The following ZNF662 variants were observed in gnomAD, a reference collection of about 807,000 sequenced individuals.
ZNF662 encodes the protein zinc finger protein 662.
In ZNF662, 14 loss-of-function variants were observed where a neutral mutation model predicts 12.4. The observed-to-expected ratio is 1.13, with a 90% CI of 0.75 to 1.77. The LOEUF (loss-of-function observed/expected upper bound fraction) is 1.77. Ranked by LOEUF, ZNF662 falls within the 40% of genes most tolerant of loss-of-function variation. The pLI is 0.00. For synonymous variants in ZNF662, 184 were observed against 176.4 expected, an observed-to-expected ratio of 1.04 and a Z score of -0.34; for missense variants, 550 against 515.6, an observed-to-expected ratio of 1.07 and a Z score of -0.65.
At chr3:42,911,677 T>C (rs1235702900) in intron 3 of ZNF662, among the ~76,000 whole-genome samples, 1 of 152,042 alleles carries the variant, frequency 6.6e-6, no homozygotes, top group African/African-American at 2.4e-5. Flanking sequence ...ATCTGTTTCT[T>C]AGGAGGTTTT....
rs557459038 is a variant in ZNF662, at chr3:42,914,721, A to T, written c.648A>T (p.Gly216=). 6.2e-7 allele frequency: 1 copy of T among 1,614,232 alleles called. No homozygotes were observed. The highest frequency in any genetic ancestry group is 1.7e-5 in the Admixed American group (1 of 60,030). The change falls in exon 5 of 5, where the codon GGA becomes GGT. Residue 216 remains glycine, a synonymous_variant. Transcript: ENST00000440367. ...DFDQHQKTHN[G]EKVYGCKECG... is the part of the protein sequence containing the mutation. ...ATCAACACCAGAAAACTCATAATGG[A>T]GAGAAGGTCTATGGATGTAAGGAAT...
chr3:42,907,316 A>G lies in ZNF662; in HGVS notation c.-93-706A>G, dbSNP rs182404848. Among the ~76,000 whole-genome samples the G allele has an allele frequency of 5.7e-3, 865 of 152,242 alleles. 6 individuals carry two copies. Among genetic ancestry groups the G allele is most frequent in the Middle Eastern group, 0.014 (4 of 294 alleles). ...CGGGTGGTGGGGGTGCAGGGAGTAA[A>G]GTCACAACGAGGATCTGCCCTGTTG... is the stretch of plus-strand genomic sequence containing the variant. On this transcript the variant is annotated intron_variant, in intron 1 of 4. Coordinates refer to ENST00000440367, the MANE Select transcript of ZNF662 (RefSeq NM_207404.4).
In ZNF662 at chr3:42,906,913, GCTGGGT is replaced by G. The variant is rs2088689912; in HGVS notation, c.-94+749_-94+754del. 6.6e-6 allele frequency among the ~76,000 whole-genome samples: 1 copy of G among 152,210 alleles called. No individual in the cohort carries two copies. The stretch of plus-strand genomic sequence containing the variant: ...GTGGCTGATGATCCTGGCCAGGAAA[GCTGGGT>G]CTGTGAGTAGTGAATGGAATTGTCT... On this transcript the variant is annotated intron_variant, in intron 1 of 4. Transcript: ENST00000440367. This position sits in a 1 kb window ranked among gnomAD's most constrained non-coding sequence, Gnocchi z 4.4.
intron 3 of ZNF662, among the ~76,000 whole-genome samples, chr3:42,909,804 G>A (rs552243976): frequency 1.3e-5 from 2 of 151,000 alleles, no homozygotes; most frequent in East Asian, 4.0e-4. Context: ...TGGCGGCGGG[G>A]CAGAGACACT....
At position 42,917,386 on chromosome 3, in the gene ZNF662, CTGTG is replaced by C. The variant is rs2088905647; in HGVS notation, c.*2035_*2038del. 1.6e-6 allele frequency: 1 copy of C among 635,870 alleles called. No homozygotes were observed. The highest frequency in any genetic ancestry group is 2.8e-5 in the Admixed American group (1 of 36,302). 39.4% of individuals were successfully genotyped at this position (635,870 alleles called of 1,614,324 possible). The stretch of plus-strand genomic sequence containing the variant: ...TACCAGAGGAGATATTATCTGTCCT[CTGTG>C]TGGCACATAGGAAAATGTGAGACCT... On this transcript the variant is annotated 3_prime_UTR_variant, in exon 5 of 5. Coordinates refer to ENST00000440367, the MANE Select transcript of ZNF662 (RefSeq NM_207404.4).
In ZNF662 at chr3:42,918,338, GT is replaced by G. The variant is rs2088915813; in HGVS notation, c.*2985del. On this transcript the variant is annotated 3_prime_UTR_variant, in exon 5 of 5. Transcript: ENST00000440367. ...AGGAAAACTCTCAACAAAAAGAGGG[GT>G]CCTGCATGCAGGTTTTCCATCTCAC... Among the ~76,000 whole-genome samples the G allele has an allele frequency of 1.3e-5, 2 of 152,096 alleles. No individual in the cohort carries two copies. The highest frequency in any genetic ancestry group is 6.5e-5 in the Admixed American group (1 of 15,268).
In ZNF662 at chr3:42,908,130, G is replaced by A; in HGVS notation, c.16G>A (p.Gly6Arg). The A allele has an allele frequency of 6.2e-7, 1 of 1,613,762 alleles. No homozygotes were observed. The highest frequency in any genetic ancestry group is 8.5e-7 in the Non-Finnish European group (1 of 1,179,706). The change falls in exon 2 of 5, where the codon GGG becomes AGG. Residue 6 changes from glycine to arginine, a missense_variant. Gly to Arg is a moderately radical substitution (Grantham distance 125). Coordinates refer to ENST00000440367, the MANE Select transcript of ZNF662 (RefSeq NM_207404.4). MLENY[G>R]AVASLAAFPF... ...CAGGGATGTGATGCTGGAGAATTAT[G>A]GGGCTGTGGCTTCCCTGGGTAAGGG...
At position 42,906,309 on chromosome 3, in the gene ZNF662, C is replaced by A; in HGVS notation, c.-94+141C>A. ...TTCCGCGACCCCAACAGCCTCTGGT[C>A]CGGTCTGGCGCGCCCTCGCTTTCCC... On this transcript the variant is annotated intron_variant, in intron 1 of 4. Coordinates refer to ENST00000440367, the MANE Select transcript of ZNF662 (RefSeq NM_207404.4). This position sits in a 1 kb window ranked among gnomAD's most constrained non-coding sequence, Gnocchi z 4.4. The A allele has an allele frequency of 6.6e-7, 1 of 1,519,074 alleles. No individual in the cohort carries two copies. The highest frequency in any genetic ancestry group is 1.2e-5 in the South Asian group (1 of 82,730). 94.1% of individuals were successfully genotyped at this position (1,519,074 alleles called of 1,614,324 possible).
At position 42,915,052 on chromosome 3, in the gene ZNF662, A is replaced by C; in HGVS notation, c.979A>C (p.Thr327Pro). 1 of 1,614,130 alleles carries C rather than the reference A, an allele frequency of 6.2e-7. No individual in the cohort carries two copies. ...CCTTCTTCGACATCAGAGAATGCAC[A>C]CTGGGGAGAAGCCTTACGAATGTAA... ...PALLRHQRMH[T>P]GEKPYECKDC... Residue 327 changes from threonine (T) to proline (P), a missense_variant, in exon 5 of 5, where the codon ACT (threonine) becomes CCT (proline). Coordinates refer to ENST00000440367, the MANE Select transcript of ZNF662 (RefSeq NM_207404.4).
In ZNF662 at chr3:42,908,878, G is replaced by A. The variant is rs1184396606; in HGVS notation, c.120G>A (p.Leu40=). 5 of 1,613,426 alleles carry A rather than the reference G, an allele frequency of 3.1e-6. No homozygotes were observed. The highest frequency in any genetic ancestry group is 1.3e-5 in the African/African-American group (1 of 74,920). Residue 40 remains leucine, a synonymous_variant, in exon 3 of 5, where the codon CTG becomes CTA. Transcript: ENST00000440367. ...GGTGCTCGGTTCCTCGGGGAGCTCT[G>A]GATGGAGAGGCCCCAAGGGGCATCT... ...TPWCSVPRGA[L]DGEAPRGISS...
rs1553609512 is a variant in ZNF662, at chr3:42,912,671, T to TATATATATAAATATATATATTTA, written c.152-530_152-529insATATATATAAATATATATATTTA. Among the ~76,000 whole-genome samples, 27 of 46,076 alleles carry TATATATATAAATATATATATTTA rather than the reference T, an allele frequency of 5.9e-4. 1 individual carries two copies. Among genetic ancestry groups the TATATATATAAATATATATATTTA allele is most frequent in the African/African-American group, 2.2e-3 (23 of 10,388 alleles). 30.2% of individuals were successfully genotyped at this position (46,076 alleles called of 152,430 possible). ...ATATATAAATATATATATATATTTT[T>TATATATATAAATATATATATTTA]TATATATATAAATATATATATATTT... is the stretch of plus-strand genomic sequence containing the variant. On this transcript the variant is annotated intron_variant, in intron 3 of 4. Coordinates refer to ENST00000440367, the MANE Select transcript of ZNF662 (RefSeq NM_207404.4).
chr3:42,907,355 G>C (rs2088697307), intron 1 of ZNF662, among the ~76,000 whole-genome samples: 2 of 152,166 alleles, frequency 1.3e-5, no homozygotes, highest in African/African-American at 4.8e-5. Flanking sequence ...ACAGTGTTCA[G>C]AGCAACCTGA....
In ZNF662 at chr3:42,914,715, T is replaced by C. The variant is rs773345683; in HGVS notation, c.642T>C (p.His214=). 2.8e-5 allele frequency: 46 copies of C among 1,614,058 alleles called. No individual in the cohort carries two copies. Among genetic ancestry groups the C allele is most frequent in the Non-Finnish European group, 3.7e-5 (44 of 1,180,026 alleles). ...ACTTTGATCAACACCAGAAAACTCA[T>C]AATGGAGAGAAGGTCTATGGATGTA... ...NEDFDQHQKT[H]NGEKVYGCKE... The change falls in exon 5 of 5, where the codon CAT becomes CAC. Residue 214 remains histidine (H), a synonymous_variant. Transcript: ENST00000440367.
At chr3:42,909,106 C>G (rs560324083) in intron 3 of ZNF662, among the ~76,000 whole-genome samples, 197 bp downstream of exon 3, 8 of 151,980 alleles carry the variant, frequency 5.3e-5, no homozygotes, top group South Asian at 2.1e-4. Flanking sequence ...TTGGGTGTTT[C>G]TCAGAGAGGG....
At chr3:42,912,465 AAT>A (rs1491548674) in intron 3 of ZNF662, among the ~76,000 whole-genome samples, 1 of 78,238 alleles carries the variant, frequency 1.3e-5, no homozygotes, top group Non-Finnish European at 2.2e-5. Context: ...TATATGTTAT[AAT>A]ATATATTTTT....
In ZNF662 at chr3:42,917,468, A is replaced by T. The variant is rs1204918314; in HGVS notation, c.*2114A>T. 4.4e-6 allele frequency: 3 copies of T among 687,454 alleles called. No individual in the cohort carries two copies. 42.6% of individuals were successfully genotyped at this position (687,454 alleles called of 1,614,324 possible). On this transcript the variant is annotated 3_prime_UTR_variant, in exon 5 of 5. Coordinates refer to ENST00000440367, the MANE Select transcript of ZNF662 (RefSeq NM_207404.4). Reference sequence around the variant, plus strand: ...TAAAAGGGGAGATTCTCAAGCTTCCAGGTGCTACCATATGGAGCCTAAGGA... The same window carrying T: ...TAAAAGGGGAGATTCTCAAGCTTCCTGGTGCTACCATATGGAGCCTAAGGA...
chr3:42,909,405 C>T (rs983686460), intron 3 of ZNF662, among the ~76,000 whole-genome samples: 1 of 151,990 alleles, frequency 6.6e-6, no homozygotes, highest in African/African-American at 2.4e-5. Flanking sequence ...TTAACAGCAT[C>T]CCAAGGCAGA....
In ZNF662 at chr3:42,914,447, T is replaced by C; in HGVS notation, c.374T>C (p.Phe125Ser). ...TGGTGTGGATCCCAGGAATTATGGT[T>C]TGGGAAAACCTGTGAAGAGAAAAGC... is the stretch of plus-strand genomic sequence containing the variant. ...PQWCGSQELW[F>S]GKTCEEKSRL... Residue 125 changes from phenylalanine to serine, a missense_variant, in exon 5 of 5, where the codon TTT becomes TCT. Coordinates refer to ENST00000440367, the MANE Select transcript of ZNF662 (RefSeq NM_207404.4). 1 of 1,613,034 alleles carries C rather than the reference T, an allele frequency of 6.2e-7. No individual in the cohort carries two copies. The highest frequency in any genetic ancestry group is 8.5e-7 in the Non-Finnish European group (1 of 1,179,686).
chr3:42,917,131 T>G lies in ZNF662; in HGVS notation c.*1777T>G. On this transcript the variant is annotated 3_prime_UTR_variant, in exon 5 of 5. Coordinates refer to ENST00000440367, the MANE Select transcript of ZNF662 (RefSeq NM_207404.4). ...ACAACATTTTTAGACGTGGTCATCT[T>G]TTATTGGTTTCCATCATCTCTTCCC... is the stretch of plus-strand genomic sequence containing the variant. The G allele has an allele frequency of 4.3e-6, 1 of 230,828 alleles. No homozygotes were observed. The highest frequency in any genetic ancestry group is 8.2e-6 in the Non-Finnish European group (1 of 121,240). The allele number at this position is 230,828 out of a possible 1,614,324, so 14.3% of individuals were successfully genotyped here.
Sources: gnomAD v4.1 joint callset for allele counts (sites outside exome capture counted in the v4.1 genomes callset) on GRCh38, gnomAD v4.1.1 for gene constraint, Gnocchi (gnomAD v3.1) non-coding constraint, MANE v1.5 for transcripts, NCBI Gene and HGNC (gene_info 2026-07-23, HGNC 2026-07-21) for gene names.